The following CILP variants were observed in gnomAD, a reference collection of about 807,000 sequenced individuals.
The protein encoded by CILP is cartilage intermediate layer protein, also known as cartilage intermediate layer protein 1.
CILP carries 75 observed loss-of-function variants against 82.5 expected under a neutral mutation model. The ratio of observed to expected loss-of-function variants is 0.91; its 90% CI spans 0.75 to 1.10. The LOEUF is 1.10. CILP is among the 50% of genes least tolerant of loss of function. The pLI, the probability that CILP is intolerant of heterozygous loss-of-function variation, is 0.00. For missense variants in CILP, 1,479 were observed against 1,530.8 expected, an observed-to-expected ratio of 0.97 and a Z score of 0.56; for synonymous variants, 530 against 580.3, an observed-to-expected ratio of 0.91 and a Z score of 1.25.
chr15:65,204,661 T>C (rs1333891098), intron 5 of CILP, 79 bp from the exon 6 acceptor site: 1 of 1,406,822 alleles, frequency 7.1e-7, no homozygotes, highest in African/African-American at 1.5e-5. Context: ...TCACTTCCTC[T>C]CCTCCTTGGC....
Position 65,207,717 on chromosome 15 carries a change from T to TC in CILP, c.108dup (p.Lys37GlufsTer19). ...TTGGCAAAGATGCTGGGGTTCTTCT[T>TC]CCCAGGCTGGACTCTTCTTACTGAC... On this transcript the variant is annotated frameshift_variant, in exon 3 of 9. Coordinates refer to ENST00000261883, the MANE Select transcript of CILP (RefSeq NM_003613.4). LOFTEE classifies it high-confidence loss of function. The TC allele has an allele frequency of 6.2e-7, 1 of 1,614,132 alleles. No homozygotes were observed. The highest frequency in any genetic ancestry group is 1.3e-5 in the African/African-American group (1 of 75,014).
intron 8 of CILP, among the ~76,000 whole-genome samples, chr15:65,200,204 A>G (rs1450586387): frequency 6.6e-6 from 1 of 152,224 alleles, no homozygotes; most frequent in African/African-American, 2.4e-5. Context: ...AGTTAGGACC[A>G]TGCACATATA....
chr15:65,207,534 G>A (rs2088531435), intron 3 of CILP, 138 bp downstream of exon 3: 7 of 696,676 alleles, frequency 1.0e-5, no homozygotes, highest in Admixed American at 2.3e-5. Context: ...TTCCTTGGCT[G>A]GACAGAGATG....
At position 65,205,341 on chromosome 15, in the gene CILP, G is replaced by A. The variant is rs761117641; in HGVS notation, c.550C>T (p.Leu184=). The change falls in exon 5 of 9, where the codon CTG becomes TTG. Residue 184 remains leucine (L), a synonymous_variant. Transcript: ENST00000261883. ...CCCTCTTCGCTGGCCTCACTGCACA[G>A]CGACACCATCTCTGCCAAGCAAATG... ...TRICLAEMVS[L]CSEASEEGQH... 8.1e-6 allele frequency: 13 copies of A among 1,614,142 alleles called. No homozygotes were observed. The highest frequency in any genetic ancestry group is 1.1e-5 in the Non-Finnish European group (13 of 1,180,046).
intron 4 of CILP, 123 bp from the exon 5 acceptor site, chr15:65,205,589 C>T: frequency 1.0e-6 from 1 of 972,862 alleles, no homozygotes; most frequent in Non-Finnish European, 1.5e-6. Flanking sequence ...GTAGATGTCA[C>T]TGATATTTAT....
chr15:65,203,226 A>G (rs773553593), intron 7 of CILP, 136 bp downstream of exon 7: 21 of 610,622 alleles, frequency 3.4e-5, no homozygotes, highest in Non-Finnish European at 5.5e-5. Context: ...AAGTCCCAAC[A>G]TCCGGGCTCT....
chr15:65,204,744 C>T (rs967612269), intron 5 of CILP, among the ~76,000 whole-genome samples, 162 bp from the exon 6 acceptor site: 2 of 152,188 alleles, frequency 1.3e-5, no homozygotes, highest in Non-Finnish European at 2.9e-5. Context: ...CAAGGCCAGG[C>T]GTGGTGGCTC....
At chr15:65,200,946 C>T (rs2088443022) in intron 8 of CILP, among the ~76,000 whole-genome samples, 1 of 152,210 alleles carries the variant, frequency 6.6e-6, no homozygotes, top group African/African-American at 2.4e-5. Context: ...AGGTATCTAC[C>T]ATCTATTAGA....
rs1346298877 is a variant in CILP, at chr15:65,197,232, G to T, written c.3054C>A (p.Asp1018Glu). ...CCTTCACCAGGGTGCGGTCCACACG[G>T]TCCTGATCATAGAGCATCCCACTGC... ...FKCSGMLYDQ[D>E]RVDRTLVKVI... is the part of the protein sequence containing the mutation. Residue 1018 changes from aspartate (D) to glutamate (E), a missense_variant, in exon 9 of 9, where the codon GAC (aspartate) becomes GAA (glutamate). Transcript: ENST00000261883. 6.2e-7 allele frequency: 1 copy of T among 1,614,086 alleles called. No individual in the cohort carries two copies. Among genetic ancestry groups the T allele is most frequent in the Admixed American group, 1.7e-5 (1 of 60,024 alleles).
intron 2 of CILP, among the ~76,000 whole-genome samples, chr15:65,208,646 C>T (rs1214088977): frequency 3.9e-5 from 6 of 152,102 alleles, no homozygotes; most frequent in Admixed American, 1.3e-4. Flanking sequence ...ACAGGGTCCT[C>T]GGGCCACAAG....
chr15:65,206,997 T>C lies in CILP; in HGVS notation c.209A>G (p.Asp70Gly), dbSNP rs2088525115. Reference protein sequence around the residue: ...FNIDYPGGKGDYERLDAIRFY... With the variant: ...FNIDYPGGKGGYERLDAIRFY... ...GCGAATGGCGTCCAGCCGCTCATAG[T>C]CGCCCTTCCCGCCTGGGTAGTCGAT... Residue 70 changes from aspartate (D) to glycine (G), a missense_variant, in exon 4 of 9, where the codon GAC (aspartate) becomes GGC (glycine). By Grantham distance (94) the Asp-to-Gly change is moderately conservative (BLOSUM62 -1). Transcript: ENST00000261883. 1 of 1,613,846 alleles carries C rather than the reference T, an allele frequency of 6.2e-7. No individual in the cohort carries two copies. Among genetic ancestry groups the C allele is most frequent in the African/African-American group, 1.3e-5 (1 of 74,882 alleles).
intron 2 of CILP, among the ~76,000 whole-genome samples, chr15:65,208,577 T>C (rs750335808): frequency 6.6e-6 from 1 of 152,182 alleles, no homozygotes; most frequent in Admixed American, 6.5e-5. Flanking sequence ...TATGGCCTAA[T>C]TGGGGCAGCG....
At chr15:65,210,703 T>C (rs180759697) in intron 1 of CILP, among the ~76,000 whole-genome samples, 1 of 152,240 alleles carries the variant, frequency 6.6e-6, no homozygotes, top group Non-Finnish European at 1.5e-5. Flanking sequence ...AAGTCCAGGG[T>C]GTGGTAGGAA....
chr15:65,207,668 T>G lies in CILP; in HGVS notation c.154+4A>C, dbSNP rs2088533292. 2 of 1,613,796 alleles carry G rather than the reference T, an allele frequency of 1.2e-6. No homozygotes were observed. The highest frequency in any genetic ancestry group is 4.5e-5 in the East Asian group (2 of 44,884). On this transcript the variant is annotated splice_donor_region_variant and intron_variant, in intron 3 of 8. Coordinates refer to ENST00000261883, the MANE Select transcript of CILP (RefSeq NM_003613.4). Reference sequence around the variant, plus strand: ...AGCCCCTCCCTGCTTCAGCCACAACTCACTCTCCAGGGTGTCGGCAGGCTT... The same window carrying G: ...AGCCCCTCCCTGCTTCAGCCACAACGCACTCTCCAGGGTGTCGGCAGGCTT...
rs758045601 is a variant in CILP, at chr15:65,197,569, G to C, written c.2717C>G (p.Pro906Arg). 6.2e-7 allele frequency: 1 copy of C among 1,614,232 alleles called. No homozygotes were observed. Among genetic ancestry groups the C allele is most frequent in the South Asian group, 1.1e-5 (1 of 91,078 alleles). ...GAACCGGAAGTGGGCTGCACTGGGT[G>C]GTGCCTCTTCACATGCCCGGAGGTT... ...FENLRACEEA[P>R]PSAAHFRFYQ... Residue 906 changes from proline (P) to arginine (R), a missense_variant, in exon 9 of 9, where the codon CCA (proline) becomes CGA (arginine). Transcript: ENST00000261883.
chr15:65,200,763 G>A (rs2088439802), intron 8 of CILP, among the ~76,000 whole-genome samples: 1 of 152,158 alleles, frequency 6.6e-6, no homozygotes, highest in African/African-American at 2.4e-5. Context: ...GCATGCCCAG[G>A]CCACATCTCA....
rs758137317 is a variant in CILP, at chr15:65,198,600, A to G, written c.1686T>C (p.Ser562=). 2 of 1,614,106 alleles carry G rather than the reference A, an allele frequency of 1.2e-6. No individual in the cohort carries two copies. The highest frequency in any genetic ancestry group is 4.5e-5 in the East Asian group (2 of 44,872). The change falls in exon 9 of 9, where the codon AGT becomes AGC. Residue 562 remains serine, a synonymous_variant. Transcript: ENST00000261883. ...GCATCTTGATTTCATGGAACACGGC[A>G]CTCCCCTTCTTGTTGAAAGGTAGCA... ...TKVLPFNKKG[S]AVFHEIKMLR...
chr15:65,203,508 G>C (rs1353609369), intron 6 of CILP, 38 bp from the exon 7 acceptor site: 1 of 1,393,828 alleles, frequency 7.2e-7, no homozygotes, highest in East Asian at 2.3e-5. Context: ...TTGGGTTTTT[G>C]TGTGTGTGTG....
At chr15:65,206,758 G>T (rs751406628) in intron 4 of CILP, 24 bp downstream of exon 4, 1 of 1,592,482 alleles carries the variant, frequency 6.3e-7, no homozygotes. Context: ...AGTAGCGGGT[G>T]GGGGTGGGGG....
Sources: gnomAD v4.1 joint callset for allele counts (sites outside exome capture counted in the v4.1 genomes callset) on GRCh38, gnomAD v4.1.1 for gene constraint, MANE v1.5 for transcripts, NCBI Gene and HGNC (gene_info 2026-07-23, HGNC 2026-07-21) for gene names.